DPP6: variants seen among roughly 807,000 people sequenced by gnomAD.
DPP6 encodes the protein dipeptidyl peptidase like 6, also known as A-type potassium channel modulatory protein DPP6.
Under a neutral mutation model 122.6 loss-of-function variants are expected in DPP6, and 69 were observed. The ratio of observed to expected loss-of-function variants is 0.56; its 90% CI spans 0.46 to 0.69. DPP6 has a LOEUF of 0.69. Among genes scored for constraint, DPP6 ranks in the 30% least tolerant of loss-of-function variants. The pLI is 0.00. For missense variants in DPP6, 928 were observed against 1,116.9 expected (o/e 0.83, Z 2.41); for synonymous variants, 418 against 433.1 (o/e 0.97, Z 0.43).
intron 1 of DPP6, among the ~76,000 whole-genome samples, chr7:154,237,115 T>A (rs1324907346): frequency 6.6e-6 from 1 of 152,184 alleles, no homozygotes; most frequent in African/African-American, 2.4e-5. Context: ...TACCTTGAGA[T>A]AAAGCTAATT....
At chr7:154,428,234 G>A (rs998118592) in intron 1 of DPP6, among the ~76,000 whole-genome samples, 11 of 152,218 alleles carry the variant, frequency 7.2e-5, no homozygotes, top group Non-Finnish European at 1.5e-4. Context: ...AAAAAACCTT[G>A]AAAAGTCAGA....
the DPP6 span, among the ~76,000 whole-genome samples, chr7:153,784,554 GGC>G: frequency 1.4e-4 from 21 of 152,230 alleles, no homozygotes; most frequent in African/African-American, 5.1e-4. Context: ...GTGATCAAAT[GGC>G]TTAATTTCAG....
At chr7:154,234,361 G>C (rs1021288227) in intron 1 of DPP6, among the ~76,000 whole-genome samples, 2 of 152,130 alleles carry the variant, frequency 1.3e-5, no homozygotes, top group African/African-American at 2.4e-5. Context: ...TCTCTGAGCT[G>C]GGTGTTTCCC....
chr7:154,376,174 C>A (rs905000697), intron 1 of DPP6, among the ~76,000 whole-genome samples: 12 of 152,136 alleles, frequency 7.9e-5, no homozygotes, highest in South Asian at 2.1e-4. Context: ...TGTGGAGATT[C>A]CCATGTGCGG....
intron 1 of DPP6, among the ~76,000 whole-genome samples, chr7:153,955,896 G>A (rs569245613): frequency 1.3e-5 from 2 of 152,302 alleles, no homozygotes; most frequent in Admixed American, 1.3e-4. Flanking sequence ...TATAGCTACT[G>A]AATCAGAAGA....
rs936478029 is a variant in DPP6 at position 154,250,162 on chromosome 7, C to A, written c.244-196052C>A. On this transcript the variant is annotated intron_variant, in intron 1 of 25. Coordinates refer to ENST00000377770, the MANE Select transcript of DPP6 (RefSeq NM_130797.4). ...AAGCGGACTCCCTTAGAGTTGTGAG[C>A]CCTTAAAAGGGACAGGAATTGCTCA... Among the ~76,000 whole-genome samples the A allele has an allele frequency of 2.6e-5, 4 of 152,182 alleles. No individual in the cohort carries two copies. In the South Asian group the frequency reaches 6.2e-4, roughly 24 times the overall value.
chr7:154,308,568 G>A (rs572945051), intron 1 of DPP6, among the ~76,000 whole-genome samples: 1 of 152,240 alleles, frequency 6.6e-6, no homozygotes, highest in African/African-American at 2.4e-5. Flanking sequence ...GAGACTCCTC[G>A]GTGAAAATGG....
At chr7:153,940,600 C>T (rs573168529) in intron 1 of DPP6, among the ~76,000 whole-genome samples, 9 of 152,278 alleles carry the variant, frequency 5.9e-5, no homozygotes, top group East Asian at 1.9e-4. Context: ...CTACCCACCC[C>T]AGCTGCAGTG....
intron 1 of DPP6, among the ~76,000 whole-genome samples, chr7:154,430,032 C>T (rs1182273857): frequency 6.6e-6 from 1 of 152,110 alleles, no homozygotes; most frequent in African/African-American, 2.4e-5. Flanking sequence ...TTCCATCCAC[C>T]CTCCCAGTTC....
chr7:154,439,264 C>T (rs186290486), intron 1 of DPP6, among the ~76,000 whole-genome samples: 3 of 152,254 alleles, frequency 2.0e-5, no homozygotes, highest in Admixed American at 6.5e-5. Flanking sequence ...GCAAAAACAG[C>T]CATTATCTAA....
intron 1 of DPP6, among the ~76,000 whole-genome samples, chr7:154,159,488 G>T (rs1796865731): frequency 6.6e-6 from 1 of 152,240 alleles, no homozygotes; most frequent in Non-Finnish European, 1.5e-5. Flanking sequence ...ATGTTTAAAT[G>T]GAAGTCTTTG....
At position 154,667,805 on chromosome 7, in the gene DPP6, C is replaced by T. The variant is rs996962559; in HGVS notation, c.681-1555C>T. On this transcript the variant is annotated intron_variant, in intron 6 of 25. Transcript: ENST00000377770. ...AATATTAGGACTCGCTTGCATCTTC[C>T]GATCACTGGGCAGCTGCCTTCCCAG... 7.9e-5 allele frequency among the ~76,000 whole-genome samples: 12 copies of T among 152,056 alleles called. No homozygotes were observed. The South Asian group carries it at 8.3e-4, about 11-fold the overall frequency.
chr7:154,064,600 C>T (rs1197139431), intron 1 of DPP6, among the ~76,000 whole-genome samples: 4 of 152,180 alleles, frequency 2.6e-5, no homozygotes, highest in African/African-American at 9.7e-5. Flanking sequence ...GGATGTGGTG[C>T]TGACATGATG....
At chr7:154,680,138 C>G (rs1220766910) in intron 7 of DPP6, among the ~76,000 whole-genome samples, 3 of 151,580 alleles carry the variant, frequency 2.0e-5, no homozygotes, top group Non-Finnish European at 2.9e-5. Context: ...AAAGGAAATG[C>G]GTAATCATAG....
chr7:154,137,719 A>G (rs1428098166), intron 1 of DPP6, among the ~76,000 whole-genome samples: 1 of 151,170 alleles, frequency 6.6e-6, no homozygotes, highest in Non-Finnish European at 1.5e-5. Flanking sequence ...TTGGATTAAC[A>G]CACATCTTCC....
intron 16 of DPP6, among the ~76,000 whole-genome samples, chr7:154,839,205 C>T (rs1185806047): frequency 6.6e-6 from 1 of 152,246 alleles, no homozygotes; most frequent in Non-Finnish European, 1.5e-5. Context: ...ATGCTCAGAA[C>T]AGCTCTTTAA....
intron 1 of DPP6, among the ~76,000 whole-genome samples, chr7:154,137,378 T>A (rs1443057938): frequency 6.6e-6 from 1 of 151,614 alleles, no homozygotes; most frequent in Non-Finnish European, 1.5e-5. Context: ...ACCATTTGAG[T>A]CACCTTCTCT....
intron 1 of DPP6, among the ~76,000 whole-genome samples, chr7:154,419,642 G>T (rs1203700926): frequency 1.3e-5 from 2 of 152,200 alleles, no homozygotes; most frequent in African/African-American, 4.8e-5. Flanking sequence ...CCCGAAGCCT[G>T]AAGGAAACCA....
chr7:153,850,774 A>G, the DPP6 span, among the ~76,000 whole-genome samples: 677 of 152,308 alleles, frequency 4.4e-3, 1 homozygote, highest in Middle Eastern at 6.8e-3. Context: ...CTTATTCACT[A>G]TCACAAGAAG....
Sources: gnomAD v4.1 joint callset for allele counts (sites outside exome capture counted in the v4.1 genomes callset) on GRCh38, gnomAD v4.1.1 for gene constraint, MANE v1.5 for transcripts, NCBI Gene and HGNC (gene_info 2026-07-23, HGNC 2026-07-21) for gene names.